The following ENTREP2 variants were observed in gnomAD, a reference collection of about 807,000 sequenced individuals.
The protein encoded by ENTREP2 is protein ENTREP2.
the ENTREP2 span, among the ~76,000 whole-genome samples, chr15:29,224,181 G>A: frequency 6.6e-6 from 1 of 152,070 alleles, no homozygotes; most frequent in Non-Finnish European, 1.5e-5. Flanking sequence ...ACAGACCTTC[G>A]TGGTGAGTGT....
At chr15:29,557,966 C>A in the ENTREP2 span, among the ~76,000 whole-genome samples, 148 of 152,334 alleles carry the variant, frequency 9.7e-4, 2 homozygotes, top group South Asian at 0.028. Context: ...CTCTCCTAAA[C>A]CACAGTGCAA....
chr15:29,492,919 G>A, the ENTREP2 span, among the ~76,000 whole-genome samples: 33 of 151,390 alleles, frequency 2.2e-4, no homozygotes, highest in African/African-American at 3.1e-4. Flanking sequence ...CAGGAGAATC[G>A]CTTGAACCCT....
At chr15:29,129,266 T>C in the ENTREP2 span, among the ~76,000 whole-genome samples, 1 of 152,124 alleles carries the variant, frequency 6.6e-6, no homozygotes, top group Non-Finnish European at 1.5e-5. Context: ...GGTTTTGCCA[T>C]CTTGGCCAGG....
At chr15:29,517,342 C>T in the ENTREP2 span, among the ~76,000 whole-genome samples, 9 of 152,258 alleles carry the variant, frequency 5.9e-5, no homozygotes, top group African/African-American at 1.9e-4. Flanking sequence ...CTATCTTAGA[C>T]GTAACAGAGG....
the ENTREP2 span, among the ~76,000 whole-genome samples, chr15:29,192,553 G>C: frequency 6.6e-6 from 1 of 152,208 alleles, no homozygotes; most frequent in Admixed American, 6.5e-5. Flanking sequence ...TCTCCAAGGA[G>C]AGACATGAGC....
At chr15:29,604,846 CT>C in the ENTREP2 span, among the ~76,000 whole-genome samples, 1 of 152,142 alleles carries the variant, frequency 6.6e-6, no homozygotes, top group African/African-American at 2.4e-5. Context: ...GATGATGTGA[CT>C]TGGCCCCCAA....
At chr15:29,227,228 T>C in the ENTREP2 span, among the ~76,000 whole-genome samples, 1 of 152,142 alleles carries the variant, frequency 6.6e-6, no homozygotes, top group Non-Finnish European at 1.5e-5. Context: ...GACTGGAATA[T>C]AGTTCATTAA....
chr15:29,642,581 A>T, the ENTREP2 span, among the ~76,000 whole-genome samples: 1 of 148,214 alleles, frequency 6.7e-6, no homozygotes, highest in Non-Finnish European at 1.5e-5. Context: ...CTATATATAT[A>T]CTATATATAT....
the ENTREP2 span, among the ~76,000 whole-genome samples, chr15:29,278,960 G>A: frequency 8.5e-5 from 13 of 152,184 alleles, no homozygotes; most frequent in African/African-American, 3.1e-4. Context: ...TTGGCCTGCA[G>A]ATGACCACGT....
At chr15:29,462,149 C>T in the ENTREP2 span, among the ~76,000 whole-genome samples, 1 of 152,180 alleles carries the variant, frequency 6.6e-6, no homozygotes, top group Non-Finnish European at 1.5e-5. Flanking sequence ...CCCATTCTTC[C>T]ATCAATGGAC....
At chr15:29,481,861 T>C in the ENTREP2 span, among the ~76,000 whole-genome samples, 1 of 152,162 alleles carries the variant, frequency 6.6e-6, no homozygotes, top group East Asian at 1.9e-4. Context: ...TTTATTTAAT[T>C]CATACATGTT....
At chr15:29,656,046 A>T in the ENTREP2 span, among the ~76,000 whole-genome samples, 8 of 150,528 alleles carry the variant, frequency 5.3e-5, no homozygotes, top group African/African-American at 2.0e-4. Context: ...AAAAAAAACA[A>T]CTATGTAGGC....
the ENTREP2 span, among the ~76,000 whole-genome samples, chr15:29,596,996 T>C: frequency 2.0e-5 from 3 of 152,010 alleles, no homozygotes; most frequent in East Asian, 3.9e-4. Context: ...TTTACCTGAT[T>C]AGGGTTTGCT....
chr15:29,185,707 G>A, the ENTREP2 span, among the ~76,000 whole-genome samples: 4 of 151,980 alleles, frequency 2.6e-5, no homozygotes, highest in Admixed American at 6.6e-5. Context: ...GATTACAGGC[G>A]CCCGCCACCA....
chr15:29,638,099 C>T, the ENTREP2 span, among the ~76,000 whole-genome samples: 24 of 152,322 alleles, frequency 1.6e-4, no homozygotes, highest in African/African-American at 4.8e-4. Context: ...TCAGAATTGG[C>T]TCAGTCCTTT....
the ENTREP2 span, among the ~76,000 whole-genome samples, chr15:29,197,314 G>A: frequency 6.6e-6 from 1 of 152,168 alleles, no homozygotes; most frequent in African/African-American, 2.4e-5. Flanking sequence ...AGCCAGGTGT[G>A]GTGGTACACC....
the ENTREP2 span, among the ~76,000 whole-genome samples, chr15:29,240,578 G>C: frequency 2.6e-5 from 4 of 152,018 alleles, no homozygotes; most frequent in African/African-American, 9.7e-5. Flanking sequence ...ATGGGATATT[G>C]CAGCAAAAAG....
the ENTREP2 span, among the ~76,000 whole-genome samples, chr15:29,370,653 A>G: frequency 6.6e-6 from 1 of 152,118 alleles, no homozygotes; most frequent in Non-Finnish European, 1.5e-5. Flanking sequence ...CTAAAACTAT[A>G]GATACCCCGG....
At chr15:29,286,485 C>T in the ENTREP2 span, among the ~76,000 whole-genome samples, 2 of 152,188 alleles carry the variant, frequency 1.3e-5, no homozygotes, top group African/African-American at 4.8e-5. Flanking sequence ...GGTGGCTGAA[C>T]CTTCCATCAA....
Sources: gnomAD v4.1 joint callset for allele counts (sites outside exome capture counted in the v4.1 genomes callset) on GRCh38, gnomAD v4.1.1 for gene constraint, MANE v1.5 for transcripts, NCBI Gene and HGNC (gene_info 2026-07-23, HGNC 2026-07-21) for gene names.